The following DDR2 variants were observed in gnomAD, a reference collection of about 807,000 sequenced individuals.
DDR2 encodes discoidin domain receptor tyrosine kinase 2, also known as discoidin domain-containing receptor 2.
DDR2 carries 27 observed loss-of-function variants against 94.9 expected under a neutral mutation model. The ratio of observed to expected loss-of-function variants is 0.28; its 90% CI spans 0.21 to 0.39. DDR2 has a LOEUF of 0.39. Ranked by LOEUF, DDR2 falls within the 10% of genes least tolerant of loss-of-function variation. The pLI is 1.00. For synonymous variants in DDR2, 382 were observed against 377.2 expected (o/e 1.01, Z -0.15); for missense variants, 783 against 1,076.0 (o/e 0.73, Z 3.81).
chr1:162,632,703 T>G lies in DDR2; in HGVS notation c.-192+72T>G, dbSNP rs1425863541. The G allele has an allele frequency of 2.0e-5, 3 of 152,196 alleles. No homozygotes were observed. In the East Asian group the frequency reaches 5.8e-4, roughly 29 times the overall value. The allele number at this position is 152,196 out of a possible 1,614,324, so 9.4% of individuals were successfully genotyped here. On this transcript the variant is annotated intron_variant, in intron 1 of 17. Coordinates refer to ENST00000367921, the MANE Select transcript of DDR2 (RefSeq NM_006182.4). ...AATGAAAGCTCCGCATATACTTCTTTTGGTGTTTCAGGAAAAGTTTTAAAA... is the reference window on the plus strand; with the variant it reads ...AATGAAAGCTCCGCATATACTTCTTGTGGTGTTTCAGGAAAAGTTTTAAAA...
intron 1 of DDR2, among the ~76,000 whole-genome samples, chr1:162,636,894 A>G (rs1227576539): frequency 5.3e-5 from 8 of 152,172 alleles, no homozygotes; most frequent in Non-Finnish European, 2.9e-5. Flanking sequence ...TGCTCTTATG[A>G]ATCCAAAAAA....
At chr1:162,637,975 G>A (rs1291785974) in intron 1 of DDR2, among the ~76,000 whole-genome samples, 1 of 152,112 alleles carries the variant, frequency 6.6e-6, no homozygotes, top group African/African-American at 2.4e-5. Flanking sequence ...CCATTAACAA[G>A]AGCCCCATCC....
intron 2 of DDR2, among the ~76,000 whole-genome samples, chr1:162,663,185 A>G (rs1658391339): frequency 1.3e-5 from 2 of 152,156 alleles, no homozygotes; most frequent in Admixed American, 1.3e-4. Flanking sequence ...GAATAATGGA[A>G]CCATTAGATT....
intron 3 of DDR2, among the ~76,000 whole-genome samples, chr1:162,734,826 T>A (rs1024590580): frequency 9.2e-5 from 14 of 152,126 alleles, no homozygotes; most frequent in African/African-American, 3.4e-4. Context: ...ACCTCAAGGG[T>A]CACATTTTCT....
Position 162,786,814 on chromosome 1 carries a change from C to CA in DDR2, c.*6568_*6569insA, listed in dbSNP as rs1307369990. The CA allele has an allele frequency of 1.8e-4, 27 of 152,216 alleles. No individual in the cohort carries two copies. The highest frequency in any genetic ancestry group is 6.3e-4 in the African/African-American group (26 of 41,450). The allele number at this position is 152,216 out of a possible 1,614,324, so 9.4% of individuals were successfully genotyped here. On this transcript the variant is annotated 3_prime_UTR_variant, in exon 18 of 18. Transcript: ENST00000367921. The stretch of plus-strand genomic sequence containing the variant: ...CTGACATATCCAAACATACGAGACA[C>CA]TGGGATTTTACGTCCTCACATTAAT...
chr1:162,730,520 A>T (rs1309114164), intron 3 of DDR2, among the ~76,000 whole-genome samples: 1 of 152,230 alleles, frequency 6.6e-6, no homozygotes. Context: ...TAAAGATAGG[A>T]AGTATGCAAT....
intron 2 of DDR2, among the ~76,000 whole-genome samples, chr1:162,656,698 T>C (rs1657981736): frequency 1.3e-5 from 2 of 152,084 alleles, no homozygotes; most frequent in African/African-American, 4.8e-5. Context: ...TTCATTGCTA[T>C]GCTTCACCAC....
intron 1 of DDR2, among the ~76,000 whole-genome samples, chr1:162,635,331 T>G (rs1656762998): frequency 6.6e-6 from 1 of 152,122 alleles, no homozygotes; most frequent in Admixed American, 6.6e-5. Flanking sequence ...TACATTCATG[T>G]CACACCATTT....
At chr1:162,657,469 A>G (rs1658052148) in intron 2 of DDR2, among the ~76,000 whole-genome samples, 1 of 152,230 alleles carries the variant, frequency 6.6e-6, no homozygotes, top group Admixed American at 6.5e-5. Context: ...AGGAGAAGTT[A>G]TTAATAGGTA....
intron 1 of DDR2, among the ~76,000 whole-genome samples, chr1:162,634,659 C>G (rs1656728027): frequency 6.6e-6 from 1 of 152,202 alleles, no homozygotes; most frequent in Non-Finnish European, 1.5e-5. Flanking sequence ...CCTGAGGGCT[C>G]TGTCTTAAAT....
At chr1:162,704,156 A>G (rs11805556) in intron 2 of DDR2, among the ~76,000 whole-genome samples, 90,486 of 152,068 alleles carry the variant, frequency 0.6, 30,688 homozygotes, top group Middle Eastern at 0.8. Flanking sequence ...CAAATCTTTT[A>G]TCGATTTTCT....
rs138832895 is a variant in DDR2, at chr1:162,760,076, A to C, written c.855+97A>C. 17 of 1,497,592 alleles carry C rather than the reference A, an allele frequency of 1.1e-5. No individual in the cohort carries two copies. The African/African-American group carries it at 2.1e-4, about 18-fold the overall frequency. The allele number at this position is 1,497,592 out of a possible 1,614,324, so 92.8% of individuals were successfully genotyped here. A position where few individuals can be genotyped will look rare whatever the true frequency, so the allele number is the denominator to read the frequency against. On this transcript the variant is annotated intron_variant, in intron 8 of 17. Transcript: ENST00000367921. ...CTAGAAAAAAGTCTAGGCTGATGCC[A>C]GTTCAATGACATATTCTGTTACTAA...
Position 162,780,668 on chromosome 1 carries a change from T to A in DDR2, c.*422T>A, listed in dbSNP as rs1647856193. The A allele has an allele frequency of 5.6e-6, 1 of 178,484 alleles. No individual in the cohort carries two copies. The highest frequency in any genetic ancestry group is 2.4e-5 in the African/African-American group (1 of 41,712). The allele number at this position is 178,484 out of a possible 1,614,324, so 11.1% of individuals were successfully genotyped here. On this transcript the variant is annotated 3_prime_UTR_variant, in exon 18 of 18. Transcript: ENST00000367921. Reference sequence around the variant, plus strand: ...AAGAATACTAATGTCTTGGGAAACATGAGATTAAGTTTAGGGAAAACACTT... The same window carrying A: ...AAGAATACTAATGTCTTGGGAAACAAGAGATTAAGTTTAGGGAAAACACTT...
At chr1:162,638,005 G>A (rs1350485688) in intron 1 of DDR2, among the ~76,000 whole-genome samples, 1 of 152,038 alleles carries the variant, frequency 6.6e-6, no homozygotes, top group South Asian at 2.1e-4. Flanking sequence ...TCCTTTTTGG[G>A]ACTGTACTTT....
chr1:162,702,373 C>T (rs2101997549), intron 2 of DDR2, among the ~76,000 whole-genome samples: 1 of 152,240 alleles, frequency 6.6e-6, no homozygotes, highest in African/African-American at 2.4e-5. Context: ...ATACTTAGGT[C>T]CCATGCAAGC....
In DDR2 at chr1:162,765,742, C is replaced by T. The variant is rs544455020; in HGVS notation, c.1100-259C>T. On this transcript the variant is annotated intron_variant, in intron 9 of 17. Transcript: ENST00000367921. ...CAATGTGTGGTACAGCCCTTTGAAT[C>T]ACTGTTTCTTAAACTTTTTTGTACC... Among the ~76,000 whole-genome samples, 417 of 149,840 alleles carry T rather than the reference C, an allele frequency of 2.8e-3. 15 individuals are homozygous for T. The highest frequency in any genetic ancestry group is 4.1e-4 in the Non-Finnish European group (28 of 67,684).
chr1:162,771,979 A>G lies in DDR2; in HGVS notation c.1505-45A>G, dbSNP rs750452741. ...AGAGTTCCTTCCTGAAGAGATCTCC[A>G]AAGACACTCCACGGAATGAGGGCTC... is the stretch of plus-strand genomic sequence containing the variant. On this transcript the variant is annotated intron_variant, in intron 12 of 17. Coordinates refer to ENST00000367921, the MANE Select transcript of DDR2 (RefSeq NM_006182.4). 6.1e-5 allele frequency: 95 copies of G among 1,554,196 alleles called. 1 individual carries two copies. The highest frequency in any genetic ancestry group is 2.2e-4 in the Middle Eastern group (1 of 4,478).
At chr1:162,724,110 A>C (rs939979881) in intron 3 of DDR2, among the ~76,000 whole-genome samples, 3 of 152,130 alleles carry the variant, frequency 2.0e-5, no homozygotes, top group African/African-American at 7.2e-5. Flanking sequence ...CACTTTACAG[A>C]TGAGGAAACT....
intron 2 of DDR2, among the ~76,000 whole-genome samples, chr1:162,665,706 T>G (rs1490681542): frequency 6.6e-6 from 1 of 152,130 alleles, no homozygotes; most frequent in Non-Finnish European, 1.5e-5. Flanking sequence ...GCTTTAGAGA[T>G]AAAGGTGAAC....
Sources: allele counts gnomAD v4.1 joint callset (sites outside exome capture counted in the v4.1 genomes callset), GRCh38; gene constraint gnomAD v4.1.1; transcripts MANE v1.5; gene names NCBI Gene and HGNC (gene_info 2026-07-23, HGNC 2026-07-21).